Variants in NFIA observed in about 807,000 individuals in gnomAD.
NFIA encodes the protein nuclear factor I A, also known as nuclear factor 1 A-type.
Under a neutral mutation model 62.8 loss-of-function variants are expected in NFIA, and 8 were observed. The ratio of observed to expected loss-of-function variants is 0.13; its 90% CI spans 0.07 to 0.23. The LOEUF (loss-of-function observed/expected upper bound fraction) is 0.23. Among genes scored for constraint, NFIA ranks in the 10% least tolerant of loss-of-function variants. The probability of loss-of-function intolerance (pLI) is 1.00; values close to 1 mark genes in which losing one functional copy is unlikely to be tolerated. For synonymous variants in NFIA, 235 were observed against 238.1 expected, an observed-to-expected ratio of 0.99 and a Z score of 0.12; for missense variants, 410 against 642.1, an observed-to-expected ratio of 0.64 and a Z score of 3.91.
intron 2 of NFIA, among the ~76,000 whole-genome samples, chr1:61,157,344 A>T (rs1023998339): frequency 6.6e-6 from 1 of 152,160 alleles, no homozygotes; most frequent in Non-Finnish European, 1.5e-5. Context: ...AGAGAGCAGA[A>T]CTGATTTTTC....
At chr1:61,245,875 A>G (rs907920843) in intron 2 of NFIA, among the ~76,000 whole-genome samples, 5 of 152,210 alleles carry the variant, frequency 3.3e-5, no homozygotes, top group African/African-American at 9.6e-5. Flanking sequence ...AGTCCAAGAC[A>G]GAAATTCTTT....
At chr1:61,122,301 A>G (rs140350611) in intron 2 of NFIA, among the ~76,000 whole-genome samples, 3 of 152,230 alleles carry the variant, frequency 2.0e-5, no homozygotes, top group African/African-American at 7.2e-5. Flanking sequence ...ATCCGGTATT[A>G]TAAACTGGTA....
At chr1:61,178,095 T>G (rs1003319463) in intron 2 of NFIA, among the ~76,000 whole-genome samples, 8 of 152,116 alleles carry the variant, frequency 5.3e-5, no homozygotes, top group African/African-American at 1.9e-4. Flanking sequence ...AAGGCAGAAA[T>G]GAAGTAGAGG....
intron 2 of NFIA, 103 bp from the exon 3 acceptor site, chr1:61,277,417 C>T: frequency 3.0e-6 from 3 of 993,284 alleles, no homozygotes; most frequent in East Asian, 2.5e-5. Context: ...GTAATGTTCC[C>T]TTTCTTAGTT....
At chr1:61,318,791 A>G (rs1660508276) in intron 3 of NFIA, among the ~76,000 whole-genome samples, 1 of 151,948 alleles carries the variant, frequency 6.6e-6, no homozygotes, top group African/African-American at 2.4e-5. Flanking sequence ...CTTGTCCTTT[A>G]TTGTTCAGCC....
In NFIA at chr1:61,455,498, C is replaced by A; in HGVS notation, c.*178C>A. 3 of 979,006 alleles carry A rather than the reference C, an allele frequency of 3.1e-6. No homozygotes were observed. The highest frequency in any genetic ancestry group is 4.6e-6 in the Non-Finnish European group (3 of 655,716). The allele number at this position is 979,006 out of a possible 1,614,324, so 60.6% of individuals were successfully genotyped here. A position where few individuals can be genotyped will look rare whatever the true frequency, so the allele number is the denominator to read the frequency against. On this transcript the variant is annotated 3_prime_UTR_variant, in exon 11 of 11. Coordinates refer to ENST00000403491, the MANE Select transcript of NFIA (RefSeq NM_001134673.4). ...AAGCATTATGGTCAAACAGCAAAGG[C>A]CATAACCTTTTGGGATTTTTTTTTT...
intron 1 of NFIA, among the ~76,000 whole-genome samples, chr1:61,084,304 T>C (rs1378309708): frequency 6.6e-6 from 1 of 152,210 alleles, no homozygotes; most frequent in African/African-American, 2.4e-5. Flanking sequence ...CTAACAGTAA[T>C]AATACCGGGT....
intron 3 of NFIA, among the ~76,000 whole-genome samples, chr1:61,284,502 G>A (rs750453377): frequency 1.3e-5 from 2 of 151,908 alleles, no homozygotes; most frequent in Non-Finnish European, 1.5e-5. Context: ...AGTGCATGAC[G>A]CAGTGGAGGC....
At chr1:61,243,729 A>G (rs1256260484) in intron 2 of NFIA, among the ~76,000 whole-genome samples, 2 of 152,252 alleles carry the variant, frequency 1.3e-5, no homozygotes, top group Admixed American at 6.5e-5. Flanking sequence ...TTCTAGATTT[A>G]TAGTATAAAA....
intron 3 of NFIA, among the ~76,000 whole-genome samples, chr1:61,327,400 G>A (rs557256884): frequency 3.3e-4 from 50 of 151,060 alleles, no homozygotes; most frequent in Admixed American, 1.3e-3. Context: ...TTTTTAATCC[G>A]TCACTCCCTA....
intron 6 of NFIA, among the ~76,000 whole-genome samples, chr1:61,381,568 A>G (rs570096084): frequency 1.1e-4 from 16 of 152,310 alleles, no homozygotes; most frequent in African/African-American, 3.6e-4. Flanking sequence ...ATACCACTCT[A>G]TGTTGTACTT....
intron 3 of NFIA, among the ~76,000 whole-genome samples, chr1:61,321,258 A>G (rs1049101260): frequency 3.9e-5 from 6 of 152,160 alleles, no homozygotes; most frequent in African/African-American, 9.6e-5. Context: ...AATAATCCCT[A>G]AAGATTATTT....
At chr1:61,107,940 C>A (rs1431672639) in intron 2 of NFIA, among the ~76,000 whole-genome samples, 1 of 151,340 alleles carries the variant, frequency 6.6e-6, no homozygotes, top group Non-Finnish European at 1.5e-5. Context: ...TAAAATGATA[C>A]CTCTGTCATT....
intron 3 of NFIA, among the ~76,000 whole-genome samples, chr1:61,304,741 T>A (rs974420950): frequency 1.3e-5 from 2 of 152,056 alleles, no homozygotes; most frequent in East Asian, 3.9e-4. Flanking sequence ...TACATACAAA[T>A]GCTCCCTGAG....
intron 4 of NFIA, among the ~76,000 whole-genome samples, chr1:61,347,059 G>A (rs1237023854): frequency 2.0e-5 from 3 of 151,360 alleles, no homozygotes; most frequent in South Asian, 2.1e-4. Flanking sequence ...TTCAAGGTGA[G>A]ATTTGGGTGG....
At chr1:61,327,633 A>G (rs529943893) in intron 3 of NFIA, among the ~76,000 whole-genome samples, 2 of 152,190 alleles carry the variant, frequency 1.3e-5, no homozygotes, top group East Asian at 1.9e-4. Flanking sequence ...TGGTATATAT[A>G]TATACCATAT....
intron 3 of NFIA, among the ~76,000 whole-genome samples, chr1:61,327,416 C>T (rs1661006787): frequency 6.6e-6 from 1 of 151,776 alleles, no homozygotes; most frequent in Admixed American, 6.6e-5. Context: ...CCCTACACAG[C>T]CGCCCCCTCC....
intron 3 of NFIA, among the ~76,000 whole-genome samples, chr1:61,288,443 T>A (rs72911926): frequency 0.013 from 1,994 of 152,324 alleles, 47 homozygotes; most frequent in African/African-American, 0.045. Context: ...TGAATCCTCC[T>A]GCTTTAAAAA....
intron 2 of NFIA, among the ~76,000 whole-genome samples, chr1:61,181,531 T>G (rs1367898207): frequency 6.6e-6 from 1 of 152,284 alleles, no homozygotes; most frequent in Non-Finnish European, 1.5e-5. Context: ...ACTTTAGTTT[T>G]ATTATTGTTT....
Sources: allele counts gnomAD v4.1 joint callset (sites outside exome capture counted in the v4.1 genomes callset), GRCh38; gene constraint gnomAD v4.1.1; transcripts MANE v1.5; gene names NCBI Gene and HGNC (gene_info 2026-07-23, HGNC 2026-07-21).